The following TMEM163 variants were observed in gnomAD, a reference collection of about 807,000 sequenced individuals.
TMEM163 encodes transmembrane protein 163.
TMEM163 carries 17 observed loss-of-function variants against 29.3 expected under a neutral mutation model. The ratio of observed to expected loss-of-function variants is 0.58; its 90% CI spans 0.40 to 0.87. The LOEUF (loss-of-function observed/expected upper bound fraction) is 0.87. Among genes scored for constraint, TMEM163 ranks in the 40% least tolerant of loss-of-function variants. The pLI is 0.00. For missense variants in TMEM163, 303 were observed against 381.5 expected, an observed-to-expected ratio of 0.79 and a Z score of 1.71; for synonymous variants, 157 against 160.6, an observed-to-expected ratio of 0.98 and a Z score of 0.17.
intron 2 of TMEM163, among the ~76,000 whole-genome samples, chr2:134,573,929 C>T (rs1305950977): frequency 6.6e-6 from 1 of 152,124 alleles, no homozygotes; most frequent in Non-Finnish European, 1.5e-5. Flanking sequence ...GGTGAACTTC[C>T]GGAGGGACCC....
At chr2:134,565,663 G>A (rs1432919005) in intron 2 of TMEM163, among the ~76,000 whole-genome samples, 1 of 151,540 alleles carries the variant, frequency 6.6e-6, no homozygotes, top group African/African-American at 2.4e-5. Context: ...CTTACAAAAT[G>A]TTCACAGCAG....
chr2:134,456,803 A>C (rs773374659), intron 7 of TMEM163, 27 bp from the exon 8 acceptor site: 1 of 1,610,894 alleles, frequency 6.2e-7, no homozygotes, highest in South Asian at 1.1e-5. Context: ...AGACAAGGTC[A>C]CCTCCATGGC....
intron 2 of TMEM163, among the ~76,000 whole-genome samples, chr2:134,668,285 G>GT (rs1683911857): frequency 6.6e-6 from 1 of 152,158 alleles, no homozygotes; most frequent in African/African-American, 2.4e-5. Context: ...GCGCTCATCA[G>GT]TGGCCACATA....
At chr2:134,689,990 G>A (rs1231315151) in intron 2 of TMEM163, among the ~76,000 whole-genome samples, 2 of 152,126 alleles carry the variant, frequency 1.3e-5, no homozygotes, top group African/African-American at 2.4e-5. Flanking sequence ...GAATGCAGTG[G>A]TGTGATCTCG....
At chr2:134,574,861 G>A (rs1376485353) in intron 2 of TMEM163, among the ~76,000 whole-genome samples, 9 of 152,288 alleles carry the variant, frequency 5.9e-5, no homozygotes, top group Non-Finnish European at 5.9e-5. Context: ...AGTGGCTGCT[G>A]AAACCCAGGC....
intron 4 of TMEM163, among the ~76,000 whole-genome samples, chr2:134,514,279 C>T (rs1370923482): frequency 2.0e-5 from 3 of 151,910 alleles, no homozygotes; most frequent in African/African-American, 7.3e-5. Context: ...TCCAGAAATT[C>T]TCTCATGCTA....
At chr2:134,561,873 A>C (rs991045248) in intron 2 of TMEM163, among the ~76,000 whole-genome samples, 1 of 152,242 alleles carries the variant, frequency 6.6e-6, no homozygotes, top group Non-Finnish European at 1.5e-5. Flanking sequence ...TGTGTCCCAC[A>C]CTATTCTGCT....
At position 134,713,357 on chromosome 2, in the gene TMEM163, C is replaced by T. The variant is rs1280892384; in HGVS notation, c.203-38G>A. On this transcript the variant is annotated intron_variant, in intron 1 of 7. Transcript: ENST00000281924. ...AGGAGAAAGGGAAGTTAGACATTTCCTTACTAAGAAACCCACAGCGAGAGC... is the reference window on the plus strand; with the variant it reads ...AGGAGAAAGGGAAGTTAGACATTTCTTTACTAAGAAACCCACAGCGAGAGC... The T allele has an allele frequency of 2.5e-6, 4 of 1,610,932 alleles. No individual in the cohort carries two copies. In the African/African-American group the frequency reaches 4.0e-5, roughly 16 times the overall value.
intron 2 of TMEM163, among the ~76,000 whole-genome samples, chr2:134,634,957 T>C (rs753130012): frequency 6.6e-6 from 1 of 152,218 alleles, no homozygotes; most frequent in African/African-American, 2.4e-5. Flanking sequence ...GAAACATACA[T>C]TGAACAAGTG....
intron 4 of TMEM163, among the ~76,000 whole-genome samples, chr2:134,544,924 C>T (rs1398353601): frequency 6.6e-6 from 1 of 152,194 alleles, no homozygotes; most frequent in African/African-American, 2.4e-5. Flanking sequence ...CGCCGCTGAG[C>T]ATCTGTTGGA....
rs1686396377 is a variant in TMEM163 at position 134,456,455 on chromosome 2, CCA to C, written c.*259_*260del. 2 of 498,756 alleles carry C rather than the reference CCA, an allele frequency of 4.0e-6. No individual in the cohort carries two copies. Among genetic ancestry groups the C allele is most frequent in the African/African-American group, 4.8e-5 (2 of 42,002 alleles). 30.9% of individuals were successfully genotyped at this position (498,756 alleles called of 1,614,324 possible). On this transcript the variant is annotated 3_prime_UTR_variant, in exon 8 of 8. Coordinates refer to ENST00000281924, the MANE Select transcript of TMEM163 (RefSeq NM_030923.5). Reference sequence around the variant, plus strand: ...TCCTACCCATGAGAACCATCATACTCCAGAGACTAAAAAACGCCAGTCCCAGC... The same window carrying C: ...TCCTACCCATGAGAACCATCATACTCGAGACTAAAAAACGCCAGTCCCAGC...
rs988471144 is a variant in TMEM163, at chr2:134,655,757, C to T, written c.322+57443G>A. Among the ~76,000 whole-genome samples the T allele has an allele frequency of 4.2e-5, 6 of 142,016 alleles. 1 individual carries two copies. The highest frequency in any genetic ancestry group is 1.8e-4 in the African/African-American group (6 of 34,270). The allele number at this position is 142,016 out of a possible 152,430, so 93.2% of individuals were successfully genotyped here. A position where few individuals can be genotyped will look rare whatever the true frequency, so the allele number is the denominator to read the frequency against. ...GATGTCCTTTCTGTTTGTTAGTTTTCCTTCTAACAGACAGGACCCTCAGCT... is the reference window on the plus strand; with the variant it reads ...GATGTCCTTTCTGTTTGTTAGTTTTTCTTCTAACAGACAGGACCCTCAGCT... On this transcript the variant is annotated intron_variant, in intron 2 of 7. Coordinates refer to ENST00000281924, the MANE Select transcript of TMEM163 (RefSeq NM_030923.5).
intron 5 of TMEM163, among the ~76,000 whole-genome samples, chr2:134,502,674 AG>A (rs1679723699): frequency 6.6e-6 from 1 of 152,222 alleles, no homozygotes; most frequent in Admixed American, 6.5e-5. Flanking sequence ...AGCTAAGGAA[AG>A]GCACACAGAA....
rs914326113 is a variant in TMEM163 at position 134,460,071 on chromosome 2, T to A, written c.668-1898A>T. On this transcript the variant is annotated intron_variant, in intron 6 of 7. Coordinates refer to ENST00000281924, the MANE Select transcript of TMEM163 (RefSeq NM_030923.5). This position sits in a 1 kb window ranked among gnomAD's most constrained non-coding sequence, Gnocchi z 4.3. ...CCTGCCCCTCGAGCCCCTTGCCAGA[T>A]GTTACCCCCCCCCAAATTCATTCTC... Among the ~76,000 whole-genome samples, 1 of 106,818 alleles carries A rather than the reference T, an allele frequency of 9.4e-6. No homozygotes were observed. The highest frequency in any genetic ancestry group is 1.7e-5 in the Non-Finnish European group (1 of 59,906). The allele number at this position is 106,818 out of a possible 152,430, so 70.1% of individuals were successfully genotyped here.
At chr2:134,624,333 G>A (rs1229636334) in intron 2 of TMEM163, among the ~76,000 whole-genome samples, 3 of 152,112 alleles carry the variant, frequency 2.0e-5, no homozygotes, top group African/African-American at 7.2e-5. Flanking sequence ...TGGAACAGGA[G>A]GCCATTATCC....
chr2:134,685,320 C>G (rs1414656150), intron 2 of TMEM163, among the ~76,000 whole-genome samples: 1 of 152,180 alleles, frequency 6.6e-6, no homozygotes, highest in Admixed American at 6.5e-5. Context: ...TATAAGTCAT[C>G]ATAATATCCT....
At chr2:134,579,245 T>C (rs2104793002) in intron 2 of TMEM163, among the ~76,000 whole-genome samples, 1 of 152,314 alleles carries the variant, frequency 6.6e-6, no homozygotes, top group East Asian at 1.9e-4. Context: ...TGGTAAACTT[T>C]CCAGTTTATC....
intron 2 of TMEM163, among the ~76,000 whole-genome samples, chr2:134,609,951 A>T (rs986449490): frequency 5.9e-5 from 9 of 152,174 alleles, no homozygotes; most frequent in Admixed American, 6.5e-5. Context: ...AGGTTTTACG[A>T]GGCCTACAGG....
At chr2:134,620,144 T>G (rs1682698331) in intron 2 of TMEM163, among the ~76,000 whole-genome samples, 1 of 152,092 alleles carries the variant, frequency 6.6e-6, no homozygotes, top group African/African-American at 2.4e-5. Flanking sequence ...TTTATTTTTA[T>G]AGAAACTGAC....
Sources: gnomAD v4.1 joint callset for allele counts (sites outside exome capture counted in the v4.1 genomes callset) on GRCh38, gnomAD v4.1.1 for gene constraint, Gnocchi (gnomAD v3.1) non-coding constraint, MANE v1.5 for transcripts, NCBI Gene and HGNC (gene_info 2026-07-23, HGNC 2026-07-21) for gene names.